Variants in MAST4 observed in about 807,000 individuals in gnomAD.
The protein encoded by MAST4 is microtubule-associated serine/threonine-protein kinase 4.
In MAST4, 89 loss-of-function variants were observed where a neutral mutation model predicts 162.7. The observed-to-expected ratio is 0.55, with a 90% CI of 0.46 to 0.65. The LOEUF (loss-of-function observed/expected upper bound fraction) is 0.65. MAST4 is among the 30% of genes least tolerant of loss of function. The probability of loss-of-function intolerance (pLI) is 0.00; values close to 1 mark genes in which losing one functional copy is unlikely to be tolerated. For missense variants in MAST4, 3,153 were observed against 3,374.0 expected, an observed-to-expected ratio of 0.93 and a Z score of 1.62; for synonymous variants, 1,479 against 1,361.1, an observed-to-expected ratio of 1.09 and a Z score of -1.91.
chr5:67,050,658 C>A (rs1471856031), intron 4 of MAST4, among the ~76,000 whole-genome samples: 1 of 152,154 alleles, frequency 6.6e-6, no homozygotes, highest in Non-Finnish European at 1.5e-5. Context: ...CTGTCCTAAT[C>A]CATTGTTTAT....
At chr5:66,708,158 C>G (rs1174745212) in intron 1 of MAST4, among the ~76,000 whole-genome samples, 4 of 152,212 alleles carry the variant, frequency 2.6e-5, no homozygotes, top group African/African-American at 7.2e-5. Context: ...TTTCGCTGCA[C>G]TGTGTGGCCT....
At chr5:67,055,150 G>A (rs1199827499) in intron 5 of MAST4, among the ~76,000 whole-genome samples, 2 of 152,184 alleles carry the variant, frequency 1.3e-5, no homozygotes, top group Non-Finnish European at 2.9e-5. Flanking sequence ...TTGGCTGGTA[G>A]AGATGGAGTG....
chr5:66,883,902 CT>C (rs113944200), intron 3 of MAST4, among the ~76,000 whole-genome samples: 3 of 151,918 alleles, frequency 2.0e-5, no homozygotes, highest in Non-Finnish European at 2.9e-5. Context: ...TGCTTTTAGT[CT>C]TTTTTTTGGA....
intron 1 of MAST4, among the ~76,000 whole-genome samples, chr5:66,614,666 C>G (rs1197825560): frequency 6.6e-6 from 1 of 152,180 alleles, no homozygotes; most frequent in Non-Finnish European, 1.5e-5. Flanking sequence ...AGTAAGTTCC[C>G]TCTTGTCATT....
intron 1 of MAST4, among the ~76,000 whole-genome samples, chr5:66,599,319 T>C (rs1742405569): frequency 1.3e-5 from 2 of 152,090 alleles, no homozygotes; most frequent in Non-Finnish European, 2.9e-5. Flanking sequence ...CTTTTGCCCC[T>C]CTCCTCAAAA....
intron 3 of MAST4, among the ~76,000 whole-genome samples, chr5:66,804,942 G>A (rs577773197): frequency 1.9e-4 from 29 of 151,980 alleles, no homozygotes; most frequent in African/African-American, 5.3e-4. Context: ...GTCTTTCTTC[G>A]TTCTTAATAT....
At chr5:67,068,422 A>C (rs2150643341) in intron 5 of MAST4, among the ~76,000 whole-genome samples, 1 of 152,284 alleles carries the variant, frequency 6.6e-6, no homozygotes, top group East Asian at 1.9e-4. Context: ...GAGAGCAAGC[A>C]GGGGAAATGC....
intron 4 of MAST4, among the ~76,000 whole-genome samples, chr5:67,042,416 C>A (rs1381952224): frequency 9.9e-5 from 15 of 152,182 alleles, no homozygotes; most frequent in Admixed American, 9.8e-4. Context: ...TGGCCAATTT[C>A]ATCTTTGCAA....
At chr5:66,697,152 T>G (rs1169706436) in intron 1 of MAST4, among the ~76,000 whole-genome samples, 4 of 152,224 alleles carry the variant, frequency 2.6e-5, no homozygotes, top group Admixed American at 2.6e-4. Context: ...ACTGTACTTG[T>G]TGCCAGTGAT....
chr5:66,690,297 C>T (rs185427703), intron 1 of MAST4, among the ~76,000 whole-genome samples: 19 of 152,238 alleles, frequency 1.2e-4, no homozygotes, highest in African/African-American at 4.6e-4. Flanking sequence ...GTAAGATATT[C>T]TGCGTTGTTA....
chr5:66,765,762 A>G (rs1010403282), intron 2 of MAST4, among the ~76,000 whole-genome samples: 23 of 152,208 alleles, frequency 1.5e-4, no homozygotes, highest in African/African-American at 5.5e-4. Flanking sequence ...CTATGCATAG[A>G]CACTCATGAT....
At chr5:66,728,457 G>A (rs1224175996) in intron 1 of MAST4, among the ~76,000 whole-genome samples, 1 of 152,160 alleles carries the variant, frequency 6.6e-6, no homozygotes, top group Non-Finnish European at 1.5e-5. Flanking sequence ...CTTTATGCCT[G>A]TGAATGACAT....
chr5:67,071,373 G>A (rs1014910367), intron 5 of MAST4, among the ~76,000 whole-genome samples: 4 of 152,148 alleles, frequency 2.6e-5, no homozygotes, highest in African/African-American at 9.7e-5. Flanking sequence ...TGGTAGGGAG[G>A]GAGGGAGGTA....
intron 4 of MAST4, among the ~76,000 whole-genome samples, chr5:67,014,703 AG>A (rs1753074618): frequency 6.6e-6 from 1 of 152,236 alleles, no homozygotes; most frequent in Admixed American, 6.5e-5. Flanking sequence ...TTAAGATCAG[AG>A]ACCTGCTCTC....
intron 26 of MAST4, among the ~76,000 whole-genome samples, chr5:67,156,978 G>A (rs1772612621): frequency 6.6e-6 from 1 of 152,228 alleles, no homozygotes; most frequent in Non-Finnish European, 1.5e-5. Flanking sequence ...ATAGTTTAAA[G>A]TAAAAGTGAA....
chr5:66,696,911 G>T (rs1287561373), intron 1 of MAST4, among the ~76,000 whole-genome samples: 1 of 152,088 alleles, frequency 6.6e-6, no homozygotes, highest in Non-Finnish European at 1.5e-5. Flanking sequence ...TGATGAAGCA[G>T]TAAAAAAAAT....
intron 4 of MAST4, among the ~76,000 whole-genome samples, chr5:66,967,041 A>C (rs1048189169): frequency 6.6e-6 from 1 of 152,210 alleles, no homozygotes; most frequent in Non-Finnish European, 1.5e-5. Context: ...GCAAGACTCC[A>C]AATATGTTCA....
intron 4 of MAST4, among the ~76,000 whole-genome samples, chr5:66,937,579 C>T (rs981574468): frequency 9.9e-5 from 15 of 152,266 alleles, no homozygotes; most frequent in Non-Finnish European, 1.8e-4. Flanking sequence ...GCCATTACTA[C>T]ACTATTTTTA....
intron 1 of MAST4, among the ~76,000 whole-genome samples, chr5:66,669,135 T>G (rs899506535): frequency 7.2e-5 from 11 of 152,192 alleles, no homozygotes; most frequent in African/African-American, 2.7e-4. Context: ...CATGAGAATT[T>G]CCTTCTCCTC....
Sources: gnomAD v4.1 joint callset for allele counts (sites outside exome capture counted in the v4.1 genomes callset) on GRCh38, gnomAD v4.1.1 for gene constraint, MANE v1.5 for transcripts, NCBI Gene and HGNC (gene_info 2026-07-23, HGNC 2026-07-21) for gene names.